The following POLA1 variants were observed in gnomAD, a reference collection of about 807,000 sequenced individuals.
POLA1 encodes the protein DNA polymerase alpha 1, catalytic subunit, also known as DNA polymerase alpha catalytic subunit.
POLA1 carries 15 observed loss-of-function variants against 124.0 expected under a neutral mutation model. The ratio of observed to expected loss-of-function variants is 0.12; its 90% CI spans 0.08 to 0.19. The LOEUF (loss-of-function observed/expected upper bound fraction) is 0.19, where lower values mean the gene tolerates loss of function less well. POLA1 is among the 10% of genes least tolerant of loss of function. The pLI is 1.00. For synonymous variants in POLA1, 408 were observed against 389.4 expected (o/e 1.05, Z -0.56); for missense variants, 886 against 1,103.4 (o/e 0.80, Z 2.79).
chrX:24,719,152 T>C (rs752970627), intron 10 of POLA1, among the ~76,000 whole-genome samples: 6 of 111,249 alleles, frequency 5.4e-5, no homozygotes, highest in South Asian at 7.8e-4. Flanking sequence ...AGCGGTTTCC[T>C]GGAGGCTGTA....
At position 24,743,322 on chromosome X, in the gene POLA1, C is replaced by A; in HGVS notation, c.2559C>A (p.Pro853=). ...AAYAGGLVLD[P]KVGFYDKFIL... The stretch of plus-strand genomic sequence containing the variant: ...ATGCTGGAGGCTTGGTTTTGGACCC[C>A]AAAGTTGGTAAGGCTGGGCAGTGAA... Residue 853 remains proline, a synonymous_variant, in exon 23 of 37, where the codon CCC becomes CCA. Transcript: ENST00000379068. The A allele has an allele frequency of 9.0e-7, 1 of 1,106,118 alleles. No individual in the cohort carries two copies. The highest frequency in any genetic ancestry group is 1.2e-6 in the Non-Finnish European group (1 of 804,061). 91.2% of individuals were successfully genotyped at this position (1,106,118 alleles called of 1,213,427 possible).
In POLA1 at chrX:24,810,755, C is replaced by G. The variant is rs1260198302; in HGVS notation, c.3045C>G (p.Asn1015Lys). ...GAGATACAGATTCAATTATGATAAACACCAATAGCACCAATCTGGAAGAAG... is the reference window on the plus strand; with the variant it reads ...GAGATACAGATTCAATTATGATAAAGACCAATAGCACCAATCTGGAAGAAG... ...IYGDTDSIMINTNSTNLEEVF... is the reference protein window; with the variant it reads ...IYGDTDSIMIKTNSTNLEEVF... Residue 1015 changes from asparagine (N) to lysine (K), a missense_variant, in exon 28 of 37, where the codon AAC becomes AAG. Physicochemically the swap from Asn to Lys is moderately conservative, Grantham distance 94. This residue lies in a region of POLA1 where 313 missense variants were observed against 359.7 expected (regional missense o/e 0.87). Coordinates refer to ENST00000379068, the MANE Select transcript of POLA1 (RefSeq NM_001330360.2). 1 of 1,100,955 alleles carries G rather than the reference C, an allele frequency of 9.1e-7. No homozygotes were observed. Among genetic ancestry groups the G allele is most frequent in the Non-Finnish European group, 1.2e-6 (1 of 804,500 alleles). The allele number at this position is 1,100,955 out of a possible 1,213,427, so 90.7% of individuals were successfully genotyped here.
At chrX:24,744,575 A>G (rs1406760576) in intron 23 of POLA1, 2 of 341,243 alleles carry the variant, frequency 5.9e-6, no homozygotes, top group African/African-American at 5.5e-5. Context: ...ACATTTATAT[A>G]TATGTGTCTC....
intron 34 of POLA1, among the ~76,000 whole-genome samples, chrX:24,885,414 T>C (rs1050255740): frequency 1.6e-4 from 18 of 112,243 alleles, no homozygotes; most frequent in Non-Finnish European, 1.9e-5. Flanking sequence ...CTTTAGTGTT[T>C]ATAGGCTACA....
At chrX:24,840,556 C>G (rs1480597688) in intron 32 of POLA1, among the ~76,000 whole-genome samples, 1 of 112,088 alleles carries the variant, frequency 8.9e-6, no homozygotes, top group Non-Finnish European at 1.9e-5. Flanking sequence ...ATTTAGGATT[C>G]TGTCACTGAA....
intron 36 of POLA1, among the ~76,000 whole-genome samples, chrX:24,954,648 G>A (rs1453033504): frequency 1.8e-5 from 2 of 112,303 alleles, no homozygotes; most frequent in Non-Finnish European, 3.8e-5. Flanking sequence ...TTCTCAGCCT[G>A]ATTTGTACTA....
chrX:24,703,930 G>A (rs1298322902), intron 3 of POLA1, among the ~76,000 whole-genome samples: 1 of 111,851 alleles, frequency 8.9e-6, no homozygotes, highest in African/African-American at 3.2e-5. Flanking sequence ...TGACTTCATG[G>A]CCATGTGAAT....
In POLA1 at chrX:24,824,104, T is replaced by C. The variant is rs1427499366; in HGVS notation, c.3562-2323T>C. Among the ~76,000 whole-genome samples, 7 of 111,821 alleles carry C rather than the reference T, an allele frequency of 6.3e-5. No individual in the cohort carries two copies. In the Admixed American group the frequency reaches 6.6e-4, roughly 11 times the overall value. On this transcript the variant is annotated intron_variant, in intron 31 of 36. Transcript: ENST00000379068. The stretch of plus-strand genomic sequence containing the variant: ...CCTACTAACGATGACTACCTAGTTT[T>C]GTATGAATCGACTGCACCTGGTTGT...
intron 23 of POLA1, among the ~76,000 whole-genome samples, 173 bp downstream of exon 23, chrX:24,743,502 T>C (rs1602318512): frequency 8.9e-6 from 1 of 112,685 alleles, no homozygotes; most frequent in African/African-American, 3.2e-5. Flanking sequence ...TGACATAGAC[T>C]TAATGTGAAT....
At chrX:24,797,921 G>A (rs1013142602) in intron 26 of POLA1, among the ~76,000 whole-genome samples, 4 of 108,338 alleles carry the variant, frequency 3.7e-5, no homozygotes, top group Non-Finnish European at 3.8e-5. Flanking sequence ...GGTGGGGTGC[G>A]CCTATAGTCC....
intron 24 of POLA1, among the ~76,000 whole-genome samples, chrX:24,748,108 A>G (rs753709826): frequency 2.2e-4 from 25 of 112,163 alleles, no homozygotes; most frequent in African/African-American, 7.8e-4. Context: ...TGACAGCCTA[A>G]TATAATTGGG....
intron 35 of POLA1, among the ~76,000 whole-genome samples, chrX:24,915,765 A>G (rs905866944): frequency 3.6e-5 from 4 of 111,963 alleles, no homozygotes; most frequent in African/African-American, 1.3e-4. Context: ...TGCCAGTACC[A>G]TATTTCAGGG....
intron 36 of POLA1, among the ~76,000 whole-genome samples, chrX:24,950,698 C>G (rs2048025356): frequency 1.8e-5 from 2 of 111,981 alleles, no homozygotes; most frequent in South Asian, 3.8e-4. Context: ...TATTAAAGTT[C>G]TTAATGTATA....
rs11573449 is a variant in POLA1, at chrX:24,879,464, G to T, written c.4048-8542G>T. 7.0e-3 allele frequency among the ~76,000 whole-genome samples: 782 copies of T among 112,236 alleles called. 3 individuals are homozygous for T. The highest frequency in any genetic ancestry group is 0.024 in the African/African-American group (736 of 30,994). On this transcript the variant is annotated intron_variant, in intron 34 of 36. Transcript: ENST00000379068. ...ATTAATGGAATGTGGAAAGGAAAAT[G>T]CTTTCGGTTTCTCATATAAAATGAA...
At chrX:24,699,287 A>C (rs1928245104) in intron 1 of POLA1, 138 bp from the exon 2 acceptor site, 1 of 410,970 alleles carries the variant, frequency 2.4e-6, no homozygotes, top group African/African-American at 2.5e-5. Context: ...TTTGTGAATT[A>C]TTTACATTAT....
At chrX:24,869,517 G>C (rs1409820376) in intron 34 of POLA1, among the ~76,000 whole-genome samples, 1 of 112,178 alleles carries the variant, frequency 8.9e-6, no homozygotes, top group Non-Finnish European at 1.9e-5. Context: ...GGTTCGGATG[G>C]GTTTTTGGAC....
chrX:24,960,255 A>T (rs774062819), intron 36 of POLA1, among the ~76,000 whole-genome samples: 1 of 112,023 alleles, frequency 8.9e-6, no homozygotes, highest in Non-Finnish European at 1.9e-5. Flanking sequence ...CATATGAGAA[A>T]GTACCCTGTA....
intron 36 of POLA1, among the ~76,000 whole-genome samples, chrX:24,946,628 T>C (rs1484280615): frequency 9.0e-6 from 1 of 111,497 alleles, no homozygotes; most frequent in East Asian, 2.8e-4. Context: ...TCATATTCTA[T>C]TCATACTTTA....
intron 23 of POLA1, among the ~76,000 whole-genome samples, chrX:24,745,009 T>C (rs866435281): frequency 2.3e-5 from 1 of 44,022 alleles, no homozygotes; most frequent in Non-Finnish European, 3.8e-5. Context: ...GGGTGGGGGG[T>C]GGGAGAGTAG....
Sources: gnomAD v4.1 joint callset for allele counts (sites outside exome capture counted in the v4.1 genomes callset) on GRCh38, gnomAD v4.1.1 for gene constraint, gnomAD v4.1.1 regional missense constraint, MANE v1.5 for transcripts, NCBI Gene and HGNC (gene_info 2026-07-23, HGNC 2026-07-21) for gene names.